The following ATXN1 variants were observed in gnomAD, a reference collection of about 807,000 sequenced individuals.
The protein encoded by ATXN1 is ataxin 1, also known as ataxin-1.
Under a neutral mutation model 56.4 loss-of-function variants are expected in ATXN1, and 8 were observed. The ratio of observed to expected loss-of-function variants is 0.14; its 90% CI spans 0.08 to 0.26. The LOEUF (loss-of-function observed/expected upper bound fraction) is 0.26. ATXN1 is among the 10% of genes least tolerant of loss of function. ATXN1 has a pLI of 1.00. For synonymous variants in ATXN1, 514 were observed against 494.6 expected, an observed-to-expected ratio of 1.04 and a Z score of -0.52; for missense variants, 987 against 1,106.5, an observed-to-expected ratio of 0.89 and a Z score of 1.53.
intron 2 of ATXN1, among the ~76,000 whole-genome samples, chr6:16,724,664 T>C (rs1283057958): frequency 3.3e-5 from 5 of 152,222 alleles, no homozygotes; most frequent in African/African-American, 1.2e-4. Flanking sequence ...TGCACTGACT[T>C]ACTTGCTAAA....
At chr6:16,711,724 C>T (rs1005067472) in intron 2 of ATXN1, among the ~76,000 whole-genome samples, 1 of 151,954 alleles carries the variant, frequency 6.6e-6, no homozygotes, top group Non-Finnish European at 1.5e-5. Context: ...CTCAAGTGAT[C>T]CTCCCACCTC....
intron 6 of ATXN1, among the ~76,000 whole-genome samples, chr6:16,371,243 G>C (rs565780838): frequency 6.6e-6 from 1 of 151,824 alleles, no homozygotes; most frequent in Admixed American, 6.6e-5. Context: ...AATTAAAAAT[G>C]AGTACCTATT....
At chr6:16,680,839 G>GA (rs1233334768) in intron 2 of ATXN1, among the ~76,000 whole-genome samples, 6 of 152,082 alleles carry the variant, frequency 3.9e-5, no homozygotes, top group African/African-American at 9.7e-5. Flanking sequence ...TGGGCATAAA[G>GA]AAAAAATAAA....
At chr6:16,633,751 CTAATTAA>C (rs1478498743) in intron 3 of ATXN1, among the ~76,000 whole-genome samples, 1 of 152,148 alleles carries the variant, frequency 6.6e-6, no homozygotes, top group Admixed American at 6.6e-5. Flanking sequence ...AGGCTCCGAG[CTAATTAA>C]TAGAAAGTGA....
intron 2 of ATXN1, among the ~76,000 whole-genome samples, chr6:16,720,188 T>C (rs1759717782): frequency 6.6e-6 from 1 of 152,190 alleles, no homozygotes; most frequent in Non-Finnish European, 1.5e-5. Context: ...CTGGCTCCTA[T>C]ACCTTACTGC....
chr6:16,684,983 G>A (rs1190820193), intron 2 of ATXN1, among the ~76,000 whole-genome samples: 1 of 151,510 alleles, frequency 6.6e-6, no homozygotes, highest in African/African-American at 2.4e-5. Context: ...CGAAAGAAAT[G>A]GTCAATGAAC....
Position 16,306,425 on chromosome 6 carries a change from C to T in ATXN1, c.2352G>A (p.Lys784=). The T allele has an allele frequency of 6.2e-7, 1 of 1,614,216 alleles. No individual in the cohort carries two copies. The highest frequency in any genetic ancestry group is 8.5e-7 in the Non-Finnish European group (1 of 1,180,042). The part of the protein sequence containing the change: ...WSAPESRKLE[K]SEDEPPLTLP... ...GAGTCAAAGGTGGTTCGTCTTCTGA[C>T]TTCTCCAGTTTGCGGCTCTCTGGCG... The change falls in exon 8 of 8, where the codon AAG becomes AAA. Residue 784 remains lysine, a synonymous_variant. Transcript: ENST00000436367. The surrounding 1 kb of genome is among the most constrained non-coding windows in gnomAD (Gnocchi z 5.2).
chr6:16,391,070 GAGA>G (rs1758344939), intron 6 of ATXN1, among the ~76,000 whole-genome samples: 1 of 149,480 alleles, frequency 6.7e-6, no homozygotes, highest in African/African-American at 2.5e-5. Context: ...GCTGAGGCAG[GAGA>G]ATCACATGAA....
intron 5 of ATXN1, among the ~76,000 whole-genome samples, chr6:16,508,318 G>A (rs1251979375): frequency 6.6e-6 from 1 of 152,158 alleles, no homozygotes; most frequent in Admixed American, 6.5e-5. Context: ...AAAGCAGTAT[G>A]TCTAAATTAA....
chr6:16,753,623 T>C (rs940910202), intron 1 of ATXN1, among the ~76,000 whole-genome samples: 8 of 152,232 alleles, frequency 5.3e-5, no homozygotes, highest in Non-Finnish European at 7.3e-5. Flanking sequence ...AGCCAGCCGC[T>C]GTCATTCTTT....
At chr6:16,486,796 A>G (rs925825843) in intron 5 of ATXN1, among the ~76,000 whole-genome samples, 1 of 152,150 alleles carries the variant, frequency 6.6e-6, no homozygotes, top group Non-Finnish European at 1.5e-5. Flanking sequence ...GTTATTTGGT[A>G]CACGGCTCCC....
At chr6:16,438,551 T>A (rs1179159463) in intron 6 of ATXN1, among the ~76,000 whole-genome samples, 1 of 152,200 alleles carries the variant, frequency 6.6e-6, no homozygotes, top group African/African-American at 2.4e-5. Flanking sequence ...TAGTTTTAAT[T>A]AGAAATGAGA....
intron 6 of ATXN1, among the ~76,000 whole-genome samples, chr6:16,393,666 A>C (rs918658312): frequency 2.6e-5 from 4 of 152,228 alleles, no homozygotes; most frequent in African/African-American, 9.6e-5. Flanking sequence ...TGACGTTTTA[A>C]GTCCTGTTCG....
intron 3 of ATXN1, among the ~76,000 whole-genome samples, chr6:16,639,026 T>C (rs1201645026): frequency 6.6e-6 from 1 of 152,196 alleles, no homozygotes; most frequent in Non-Finnish European, 1.5e-5. Context: ...GAGTGCTCTG[T>C]AAAAACACAC....
intron 3 of ATXN1, among the ~76,000 whole-genome samples, chr6:16,638,467 A>C (rs928240328): frequency 4.7e-5 from 7 of 149,542 alleles, no homozygotes; most frequent in African/African-American, 7.6e-5. Context: ...AAAAAAAAAA[A>C]ACTGCACAAA....
chr6:16,632,941 G>A (rs1340629991), intron 3 of ATXN1, among the ~76,000 whole-genome samples: 1 of 150,810 alleles, frequency 6.6e-6, no homozygotes, highest in Admixed American at 6.6e-5. Context: ...AGGTTGCAGT[G>A]AGCCAAGATC....
intron 2 of ATXN1, among the ~76,000 whole-genome samples, chr6:16,736,361 G>C (rs1215230199): frequency 3.9e-5 from 6 of 152,148 alleles, no homozygotes; most frequent in Non-Finnish European, 8.8e-5. Context: ...TCTCCCTTCA[G>C]TGTATTTATT....
intron 3 of ATXN1, among the ~76,000 whole-genome samples, chr6:16,656,004 C>G (rs1758193196): frequency 6.6e-6 from 1 of 151,094 alleles, no homozygotes; most frequent in South Asian, 2.1e-4. Context: ...GCAGGAGAAT[C>G]GCTTGAACCT....
rs567441455 is a variant in ATXN1 at position 16,388,145 on chromosome 6, C to A, written c.-160-59675G>T. 2.6e-5 allele frequency among the ~76,000 whole-genome samples: 4 copies of A among 152,272 alleles called. No individual in the cohort carries two copies. In the South Asian group the frequency reaches 8.3e-4, roughly 32 times the overall value. The stretch of plus-strand genomic sequence containing the variant: ...GTGTGAAGATCCCGAGAAGCCGGGG[C>A]AGAGCCTTGACCACTGACAGTCTCT... On this transcript the variant is annotated intron_variant, in intron 6 of 7. Transcript: ENST00000436367.
Sources: gnomAD v4.1 joint callset for allele counts (sites outside exome capture counted in the v4.1 genomes callset) on GRCh38, gnomAD v4.1.1 for gene constraint, Gnocchi (gnomAD v3.1) non-coding constraint, MANE v1.5 for transcripts, NCBI Gene and HGNC (gene_info 2026-07-23, HGNC 2026-07-21) for gene names.